Variants in JCAD observed in about 807,000 individuals in gnomAD.
The protein encoded by JCAD is junctional cadherin 5-associated protein.
A neutral mutation model predicts 98.0 loss-of-function variants in JCAD; 40 were observed. That is an observed-to-expected ratio of 0.41 (90% confidence interval 0.32 to 0.53). The LOEUF (loss-of-function observed/expected upper bound fraction) is 0.53. Ranked by LOEUF, JCAD falls within the 20% of genes least tolerant of loss-of-function variation. The pLI, the probability that JCAD is intolerant of heterozygous loss-of-function variation, is 0.31. For missense variants in JCAD, 1,705 were observed against 1,738.1 expected, an observed-to-expected ratio of 0.98 and a Z score of 0.34; for synonymous variants, 691 against 682.3, an observed-to-expected ratio of 1.01 and a Z score of -0.20.
upstream of JCAD, among the ~76,000 whole-genome samples, chr10:30,063,141 T>C (rs1837727188): frequency 1.1e-5 from 1 of 88,900 alleles, no homozygotes; most frequent in African/African-American, 3.7e-5. Flanking sequence ...TCTTGGGAGA[T>C]TTAAACACAG....
At position 30,047,852 on chromosome 10, in the gene JCAD, G is replaced by A. The variant is rs1419027665; in HGVS notation, c.-40C>T. The A allele has an allele frequency of 6.4e-7, 1 of 1,566,702 alleles. No homozygotes were observed. The highest frequency in any genetic ancestry group is 8.7e-7 in the Non-Finnish European group (1 of 1,155,108). ...AGCAAAGCTCAACCACTGGAACCAT[G>A]GTGGTGGCAGGACCCAGCACTGCAG... is the stretch of plus-strand genomic sequence containing the variant. On this transcript the variant is annotated 5_prime_UTR_variant, in exon 2 of 4. Transcript: ENST00000375377.
At position 30,029,801 on chromosome 10, in the gene JCAD, CGGTAGGCTT is replaced by C; in HGVS notation, c.338_346del (p.Gln113_Tyr115del). ...CCTGGCTTCTTGCCGTCCTCTTCTCCGGTAGGCTTGGTCGTTACCAGTCGGGGGATGAGA... is the reference window on the plus strand; with the variant it reads ...CCTGGCTTCTTGCCGTCCTCTTCTCCGGTCGTTACCAGTCGGGGGATGAGA... On this transcript the variant is annotated inframe_deletion, in exon 3 of 4. Transcript: ENST00000375377. The C allele has an allele frequency of 1.2e-6, 2 of 1,614,216 alleles. No individual in the cohort carries two copies. Among genetic ancestry groups the C allele is most frequent in the Non-Finnish European group, 1.7e-6 (2 of 1,180,046 alleles).
At chr10:30,018,536 C>T (rs1836587565) in intron 3 of JCAD, among the ~76,000 whole-genome samples, 1 of 152,166 alleles carries the variant, frequency 6.6e-6, no homozygotes. Flanking sequence ...AGTCTGGCCC[C>T]TCACGCACTG....
intron 1 of JCAD, among the ~76,000 whole-genome samples, chr10:30,070,889 TTTGTTG>T (rs1027763190): frequency 6.6e-6 from 1 of 152,104 alleles, no homozygotes; most frequent in African/African-American, 2.4e-5. Flanking sequence ...ATACAGTGTT[TTTGTTG>T]TTGTTGTTGT....
intron 1 of JCAD, among the ~76,000 whole-genome samples, chr10:30,055,031 T>C (rs1370785007): frequency 6.6e-6 from 1 of 152,158 alleles, no homozygotes; most frequent in Non-Finnish European, 1.5e-5. Context: ...AAAGAAACAT[T>C]GAAGAAAAGA....
chr10:30,112,077 A>G (rs1305708273), intron 1 of JCAD, among the ~76,000 whole-genome samples: 1 of 152,234 alleles, frequency 6.6e-6, no homozygotes, highest in Non-Finnish European at 1.5e-5. Context: ...CCATGAACTG[A>G]TAAAGCATAA....
chr10:30,055,574 A>G (rs896914197), intron 1 of JCAD, among the ~76,000 whole-genome samples: 4 of 152,250 alleles, frequency 2.6e-5, no homozygotes, highest in African/African-American at 4.8e-5. Context: ...TGGGACACCA[A>G]GTTCTCACAG....
At chr10:30,106,047 C>A (rs1838573615) in intron 1 of JCAD, among the ~76,000 whole-genome samples, 2 of 152,038 alleles carry the variant, frequency 1.3e-5, no homozygotes, top group Admixed American at 6.6e-5. Flanking sequence ...GTACTAAGAC[C>A]CCAACCAATA....
chr10:30,108,312 TAA>T (rs59735299), intron 1 of JCAD, among the ~76,000 whole-genome samples: 75 of 142,232 alleles, frequency 5.3e-4, no homozygotes, highest in East Asian at 1.2e-3. Context: ...AACTCCATAT[TAA>T]AAAAAAAAAA....
At chr10:30,060,773 T>A (rs2132660155), upstream of JCAD, among the ~76,000 whole-genome samples, 1 of 152,274 alleles carries the variant, frequency 6.6e-6, no homozygotes, top group East Asian at 1.9e-4. Context: ...TGGGCACCAC[T>A]TTACAGATGA....
chr10:30,098,830 TTAC>T (rs1410005118), intron 1 of JCAD, among the ~76,000 whole-genome samples: 63 of 152,228 alleles, frequency 4.1e-4, no homozygotes, highest in African/African-American at 1.4e-3. Context: ...TTTGCTCCAC[TTAC>T]TACATCGTCC....
chr10:30,041,782 T>C lies in JCAD; in HGVS notation c.281+5750A>G, dbSNP rs115267573. Among the ~76,000 whole-genome samples the C allele has an allele frequency of 6.4e-3, 972 of 152,330 alleles. 11 individuals are homozygous for C. Among genetic ancestry groups the C allele is most frequent in the African/African-American group, 0.022 (906 of 41,570 alleles). ...TCAAACCTCTGCTATGTTAAGTGTA[T>C]TTTACAGCTTCCTCTGATTATAATA... is the stretch of plus-strand genomic sequence containing the variant. On this transcript the variant is annotated intron_variant, in intron 2 of 3. Transcript: ENST00000375377.
intron 2 of JCAD, among the ~76,000 whole-genome samples, chr10:30,069,036 C>T (rs1240479723): frequency 6.6e-6 from 1 of 152,204 alleles, no homozygotes; most frequent in Non-Finnish European, 1.5e-5. Flanking sequence ...TCTTTGCTTT[C>T]AATAGCATTG....
At chr10:30,049,406 CTCGGGTCTG>C (rs1236982359) in intron 1 of JCAD, among the ~76,000 whole-genome samples, 1 of 152,224 alleles carries the variant, frequency 6.6e-6, no homozygotes, top group East Asian at 1.9e-4. Context: ...GGAGCTCTTA[CTCGGGTCTG>C]TCGCACAATT....
intron 1 of JCAD, among the ~76,000 whole-genome samples, chr10:30,058,484 C>A (rs1321213869): frequency 6.6e-6 from 1 of 152,194 alleles, no homozygotes; most frequent in African/African-American, 2.4e-5. Context: ...GCCCAGGTAG[C>A]GCTGGCCTAA....
intron 2 of JCAD, among the ~76,000 whole-genome samples, chr10:30,035,812 T>C (rs1837096157): frequency 6.6e-6 from 1 of 152,124 alleles, no homozygotes; most frequent in African/African-American, 2.4e-5. Flanking sequence ...CCAGACAAAT[T>C]GTGTCCATGA....
chr10:30,071,908 C>T (rs1837898169), intron 1 of JCAD, among the ~76,000 whole-genome samples: 3 of 152,140 alleles, frequency 2.0e-5, no homozygotes, highest in Admixed American at 2.0e-4. Context: ...ACAAAATATG[C>T]TCCTCTTCCT....
chr10:30,019,357 CAAAA>C (rs58164754), intron 3 of JCAD, among the ~76,000 whole-genome samples: 3 of 100,300 alleles, frequency 3.0e-5, no homozygotes, highest in Non-Finnish European at 4.0e-5. Flanking sequence ...AACTCTGTCT[CAAAA>C]AAAAAAAAAA....
At chr10:30,089,289 G>A (rs1286027856) in intron 1 of JCAD, among the ~76,000 whole-genome samples, 5 of 152,174 alleles carry the variant, frequency 3.3e-5, no homozygotes, top group South Asian at 2.1e-4. Flanking sequence ...TCTACCTGGC[G>A]AGTGCAACGT....
Sources: gnomAD v4.1 joint callset for allele counts (sites outside exome capture counted in the v4.1 genomes callset) on GRCh38, gnomAD v4.1.1 for gene constraint, MANE v1.5 for transcripts, NCBI Gene and HGNC (gene_info 2026-07-23, HGNC 2026-07-21) for gene names.